PRAG1: variants seen among roughly 807,000 people sequenced by gnomAD.
PRAG1 encodes the protein PEAK1 related, kinase-activating pseudokinase 1.
A neutral mutation model predicts 95.6 loss-of-function variants in PRAG1; 110 were observed. That is an observed-to-expected ratio of 1.15 (90% CI 0.99 to 1.35). PRAG1 has a LOEUF of 1.35. Ranked by LOEUF, PRAG1 falls within the 40% of genes most tolerant of loss-of-function variation. PRAG1 has a pLI of 0.00. For missense variants in PRAG1, 2,554 were observed against 1,864.7 expected, an observed-to-expected ratio of 1.37 and a Z score of -6.81; for synonymous variants, 1,052 against 819.4, an observed-to-expected ratio of 1.28 and a Z score of -4.85.
intron 4 of PRAG1, among the ~76,000 whole-genome samples, chr8:8,329,878 G>A (rs1348544609): frequency 1.3e-5 from 2 of 152,208 alleles, no homozygotes; most frequent in South Asian, 2.1e-4. Flanking sequence ...CTCAGTGACC[G>A]AGGCAGCATT....
At chr8:8,342,417 C>T (rs1271903825) in intron 3 of PRAG1, among the ~76,000 whole-genome samples, 1 of 151,860 alleles carries the variant, frequency 6.6e-6, no homozygotes, top group Non-Finnish European at 1.5e-5. Context: ...AGGATGGTCT[C>T]GACCCCCTGA....
intron 5 of PRAG1, among the ~76,000 whole-genome samples, chr8:8,326,157 TA>T (rs1157016176): frequency 6.8e-6 from 1 of 145,992 alleles, no homozygotes; most frequent in Non-Finnish European, 1.5e-5. Flanking sequence ...TATATATAAA[TA>T]ATAAATAATT....
In PRAG1 at chr8:8,377,221, C is replaced by A. The variant is rs766892062; in HGVS notation, c.1188G>T (p.Glu396Asp). The change falls in exon 3 of 6, where the codon GAG becomes GAT. Residue 396 changes from glutamate (E) to aspartate (D), a missense_variant. By Grantham distance (45) the Glu-to-Asp change is conservative. Transcript: ENST00000615670. ...CCCGGGGGTGGGCCGGGGGCTGGGG[C>A]TCCCCCGTCAGCCCAAGGCATCTGC... ...TPSRCLGLTG[E>D]PQPPAHPREA... 1 of 1,611,916 alleles carries A rather than the reference C, an allele frequency of 6.2e-7. No individual in the cohort carries two copies.
In PRAG1 at chr8:8,320,839, T is replaced by G. The variant is rs143007498; in HGVS notation, c.3073-1537A>C. Among the ~76,000 whole-genome samples the G allele has an allele frequency of 4.7e-3, 719 of 152,350 alleles. 7 individuals carry two copies. The highest frequency in any genetic ancestry group is 0.017 in the African/African-American group (690 of 41,578). On this transcript the variant is annotated intron_variant, in intron 5 of 5. Transcript: ENST00000615670. ...CCTTTTCACGGAGATTTATTTATAT[T>G]GCAGCTATGCAAAGCTTCTCAGCAT... is the stretch of plus-strand genomic sequence containing the variant.
chr8:8,379,395 G>A (rs776299109), intron 2 of PRAG1, among the ~76,000 whole-genome samples: 1 of 152,118 alleles, frequency 6.6e-6, no homozygotes, highest in Non-Finnish European at 1.5e-5. Flanking sequence ...CTCAAAGCAG[G>A]GCCTGCCTCT....
intron 2 of PRAG1, among the ~76,000 whole-genome samples, chr8:8,380,891 A>G: frequency 6.6e-6 from 1 of 151,088 alleles, no homozygotes; most frequent in African/African-American, 2.4e-5. Context: ...AAGTGTGATA[A>G]TGGTATTGTG....
chr8:8,370,705 C>A (rs1359095894), intron 3 of PRAG1, among the ~76,000 whole-genome samples: 1 of 152,140 alleles, frequency 6.6e-6, no homozygotes, highest in African/African-American at 2.4e-5. Context: ...CCGGTTCATG[C>A]CCAGAGATCA....
chr8:8,381,158 T>C (rs913468692), intron 2 of PRAG1, among the ~76,000 whole-genome samples: 1 of 152,148 alleles, frequency 6.6e-6, no homozygotes, highest in East Asian at 1.9e-4. Context: ...AAAAGCTTCA[T>C]TTTTTGTCTG....
At chr8:8,378,635 A>C (rs1254126524) in intron 2 of PRAG1, among the ~76,000 whole-genome samples, 1 of 152,086 alleles carries the variant, frequency 6.6e-6, no homozygotes, top group Non-Finnish European at 1.5e-5. Flanking sequence ...CGAGGAGGGC[A>C]GATTGCTTGA....
chr8:8,327,813 G>A lies in PRAG1; in HGVS notation c.2969C>T (p.Ser990Leu), dbSNP rs756143942. ...CTTGTTACAAGTCAGCTTGAAGAGCGACCAGTTATTCTCATTGAAGTGGAG... is the reference window on the plus strand; with the variant it reads ...CTTGTTACAAGTCAGCTTGAAGAGCAACCAGTTATTCTCATTGAAGTGGAG... ...KELHFNENNWSLFKLTCNKPC... is the reference protein window; with the variant it reads ...KELHFNENNWLLFKLTCNKPC... Residue 990 changes from serine to leucine, a missense_variant, in exon 5 of 6, where the codon TCG becomes TTG. Ser to Leu is a moderately radical substitution (Grantham distance 145). Coordinates refer to ENST00000615670, the MANE Select transcript of PRAG1 (RefSeq NM_001080826.3). 30 of 1,614,068 alleles carry A rather than the reference G, an allele frequency of 1.9e-5. No homozygotes were observed. Among genetic ancestry groups the A allele is most frequent in the Non-Finnish European group, 2.3e-5 (27 of 1,180,028 alleles).
intron 5 of PRAG1, among the ~76,000 whole-genome samples, chr8:8,321,082 C>T (rs915969678): frequency 2.6e-5 from 4 of 152,194 alleles, no homozygotes; most frequent in Non-Finnish European, 4.4e-5. Context: ...TTTCTTATTC[C>T]GGACTACCCA....
At chr8:8,349,958 CACAT>C (rs558687881) in intron 3 of PRAG1, among the ~76,000 whole-genome samples, 2,278 of 151,462 alleles carry the variant, frequency 0.015, 45 homozygotes, top group African/African-American at 0.053. Flanking sequence ...CACACACACA[CACAT>C]ACCACACAAA....
chr8:8,376,876 C>G lies in PRAG1; in HGVS notation c.1533G>C (p.Glu511Asp). The G allele has an allele frequency of 6.2e-7, 1 of 1,613,220 alleles. No homozygotes were observed. Reference protein sequence around the residue: ...WPRGPVSQNSEVGEEETSAGQ... With the variant: ...WPRGPVSQNSDVGEEETSAGQ... ...CAGCCGAAGTCTCCTCTTCACCTAC[C>G]TCGGAGTTCTGGCTCACAGGCCCTC... The change falls in exon 3 of 6, where the codon GAG becomes GAC. Residue 511 changes from glutamate to aspartate, a missense_variant. Coordinates refer to ENST00000615670, the MANE Select transcript of PRAG1 (RefSeq NM_001080826.3).
intron 3 of PRAG1, among the ~76,000 whole-genome samples, chr8:8,372,904 C>A (rs371757621): frequency 6.6e-6 from 1 of 152,284 alleles, no homozygotes; most frequent in East Asian, 1.9e-4. Context: ...GACGATCTGT[C>A]TCTCTCACAC....
Position 8,318,037 on chromosome 8 carries a change from A to C in PRAG1, c.*117T>G. The C allele has an allele frequency of 1.2e-6, 1 of 823,172 alleles. No homozygotes were observed. Among genetic ancestry groups the C allele is most frequent in the Non-Finnish European group, 1.8e-6 (1 of 556,436 alleles). 51.0% of individuals were successfully genotyped at this position (823,172 alleles called of 1,614,324 possible). A position where few individuals can be genotyped will look rare whatever the true frequency, so the allele number is the denominator to read the frequency against. ...TTCTATATATATATTTATATATTTT[A>C]CATCCAGGTATCCCAGTCATCTGTA... On this transcript the variant is annotated 3_prime_UTR_variant, in exon 6 of 6. Transcript: ENST00000615670. This position sits in a 1 kb window ranked among gnomAD's most constrained non-coding sequence, Gnocchi z 4.2.
At chr8:8,335,886 G>A (rs1392796814) in intron 4 of PRAG1, among the ~76,000 whole-genome samples, 1 of 152,160 alleles carries the variant, frequency 6.6e-6, no homozygotes, top group Admixed American at 6.5e-5. Flanking sequence ...ATTGTACCCA[G>A]CACAGAGTTT....
chr8:8,345,846 G>T (rs140263954), intron 3 of PRAG1, among the ~76,000 whole-genome samples: 1,577 of 152,236 alleles, frequency 0.01, 10 homozygotes, highest in Non-Finnish European at 0.017. Flanking sequence ...CTTATGAACT[G>T]CATTAAAAAG....
Position 8,373,012 on chromosome 8 carries a change from T to C in PRAG1, c.2162+3235A>G, listed in dbSNP as rs1220241732. Reference sequence around the variant, plus strand: ...ACATAATGAAGCTGATCATTAGAAATAGGATCTATTTCACAAATGGGCCCA... The same window carrying C: ...ACATAATGAAGCTGATCATTAGAAACAGGATCTATTTCACAAATGGGCCCA... On this transcript the variant is annotated intron_variant, in intron 3 of 5. Transcript: ENST00000615670. 2.0e-5 allele frequency among the ~76,000 whole-genome samples: 3 copies of C among 152,160 alleles called. No individual in the cohort carries two copies. The South Asian group carries it at 6.2e-4, about 32-fold the overall frequency.
rs762361898 is a variant in PRAG1, at chr8:8,377,812, G to A, written c.597C>T (p.Asp199=). Residue 199 remains aspartate, a synonymous_variant, in exon 3 of 6, where the codon GAC becomes GAT. Coordinates refer to ENST00000615670, the MANE Select transcript of PRAG1 (RefSeq NM_001080826.3). ...GGAAGCTCTCCTGGGTGGAGGGCCGGTCTTGGTAAGGAAATGAGGGTTTTT... is the reference window on the plus strand; with the variant it reads ...GGAAGCTCTCCTGGGTGGAGGGCCGATCTTGGTAAGGAAATGAGGGTTTTT... The part of the protein sequence containing the change: ...HKEKPSFPYQ[D]RPSTQESFRQ... 1 of 1,614,148 alleles carries A rather than the reference G, an allele frequency of 6.2e-7. No individual in the cohort carries two copies. The highest frequency in any genetic ancestry group is 2.2e-5 in the East Asian group (1 of 44,878).
Sources: allele counts gnomAD v4.1 joint callset (sites outside exome capture counted in the v4.1 genomes callset), GRCh38; gene constraint gnomAD v4.1.1; non-coding constraint Gnocchi (gnomAD v3.1); transcripts MANE v1.5; gene names NCBI Gene and HGNC (gene_info 2026-07-23, HGNC 2026-07-21).